The following BBS12 variants were observed in gnomAD, a reference collection of about 807,000 sequenced individuals.
BBS12 encodes the protein chaperonin-containing T-complex member BBS12.
BBS12 carries 5 observed loss-of-function variants against 5.6 expected under a neutral mutation model. That is an observed-to-expected ratio of 0.89 (90% CI 0.46 to 1.86). The LOEUF (loss-of-function observed/expected upper bound fraction) is 1.86, where lower values mean the gene tolerates loss of function less well. Among genes scored for constraint, BBS12 ranks in the 40% most tolerant of loss-of-function variants. BBS12 has a pLI of 0.01. For missense variants in BBS12, 748 were observed against 830.4 expected (o/e 0.90, Z 1.22); for synonymous variants, 308 against 306.8 (o/e 1.00, Z -0.04).
chr4:122,701,202 C>T, the BBS12 span, among the ~76,000 whole-genome samples: 1 of 152,162 alleles, frequency 6.6e-6, no homozygotes, highest in African/African-American at 2.4e-5. Context: ...TTCTTTCATC[C>T]TAGTCATTTC....
chr4:122,712,183 C>G, the BBS12 span, among the ~76,000 whole-genome samples: 1 of 152,232 alleles, frequency 6.6e-6, no homozygotes, highest in Non-Finnish European at 1.5e-5. Flanking sequence ...TGCAGATGGC[C>G]TGTTGTGGAA....
chr4:122,738,836 C>T (rs911391123), intron 1 of BBS12, among the ~76,000 whole-genome samples: 1 of 152,106 alleles, frequency 6.6e-6, no homozygotes, highest in Non-Finnish European at 1.5e-5. Context: ...TATAATATTA[C>T]AAAATATTAC....
chr4:122,729,799 T>C (rs141112316), upstream of BBS12: 2,805 of 152,056 alleles, frequency 0.018, 45 homozygotes, highest in Admixed American at 0.027. Context: ...TGCAAAAAAT[T>C]AGCTAGGCAT....
At position 122,744,253 on chromosome 4, in the gene BBS12, T is replaced by G; in HGVS notation, c.*228T>G. ...CTACAGAATGCATAAGACACCTGGG[T>G]CAGAAACAAAGGACTTATCGCTCAC... is the stretch of plus-strand genomic sequence containing the variant. On this transcript the variant is annotated 3_prime_UTR_variant, in exon 2 of 2. Transcript: ENST00000314218. 1 of 517,438 alleles carries G rather than the reference T, an allele frequency of 1.9e-6. No individual in the cohort carries two copies. Among genetic ancestry groups the G allele is most frequent in the African/African-American group, 1.9e-5 (1 of 51,374 alleles). The allele number at this position is 517,438 out of a possible 1,614,324, so 32.1% of individuals were successfully genotyped here.
In BBS12 at chr4:122,743,590, A is replaced by T. The variant is rs746904755; in HGVS notation, c.1698A>T (p.Ser566=). The part of the protein sequence containing the change: ...QSLKKENHAC[S]GWLHNTSSWL... The stretch of plus-strand genomic sequence containing the variant: ...TGAAAAAAGAAAACCATGCCTGCTC[A>T]GGGTGGCTGCATAATACTTCCTCTT... Residue 566 remains serine, a synonymous_variant, in exon 2 of 2, where the codon TCA becomes TCT. Coordinates refer to ENST00000314218, the MANE Select transcript of BBS12 (RefSeq NM_152618.3). The T allele has an allele frequency of 1.9e-6, 3 of 1,614,116 alleles. No homozygotes were observed. Among genetic ancestry groups the T allele is most frequent in the Non-Finnish European group, 2.5e-6 (3 of 1,180,040 alleles).
At chr4:122,731,244 A>G (rs1325672555), upstream of BBS12, 1 of 152,224 alleles carries the variant, frequency 6.6e-6, no homozygotes, top group Admixed American at 6.5e-5. Flanking sequence ...TGTATCTTTC[A>G]ATGCTCCTTA....
the BBS12 span, among the ~76,000 whole-genome samples, chr4:122,700,829 T>A: frequency 6.6e-6 from 1 of 152,174 alleles, no homozygotes; most frequent in Admixed American, 6.6e-5. Flanking sequence ...GTCAGAAGCT[T>A]ATAAGTTATG....
chr4:122,712,825 C>T, the BBS12 span, among the ~76,000 whole-genome samples: 3 of 152,202 alleles, frequency 2.0e-5, no homozygotes, highest in Middle Eastern at 3.4e-3. Flanking sequence ...AGTGTGTTAT[C>T]GGAACGTTGA....
At chr4:122,706,986 C>G in the BBS12 span, among the ~76,000 whole-genome samples, 1 of 147,908 alleles carries the variant, frequency 6.8e-6, no homozygotes, top group Non-Finnish European at 1.5e-5. Context: ...TCAGTAACAT[C>G]AATTTTACTA....
intron 1 of BBS12, among the ~76,000 whole-genome samples, chr4:122,733,189 G>A (rs1237542846): frequency 6.6e-6 from 1 of 152,162 alleles, no homozygotes; most frequent in African/African-American, 2.4e-5. Flanking sequence ...ATTCTGTATA[G>A]CAGTGGCATG....
chr4:122,708,595 T>A, the BBS12 span, among the ~76,000 whole-genome samples: 5 of 152,082 alleles, frequency 3.3e-5, no homozygotes, highest in Admixed American at 1.3e-4. Context: ...CATAGTAAAA[T>A]TTTTTTAAAT....
chr4:122,718,031 C>G, the BBS12 span, among the ~76,000 whole-genome samples: 1 of 152,154 alleles, frequency 6.6e-6, no homozygotes, highest in African/African-American at 2.4e-5. Context: ...CTATGCATCT[C>G]AGTTTTCTCA....
chr4:122,744,262 A>G lies in BBS12; in HGVS notation c.*237A>G. The G allele has an allele frequency of 8.0e-6, 4 of 498,436 alleles. No homozygotes were observed. The highest frequency in any genetic ancestry group is 1.5e-5 in the Non-Finnish European group (4 of 270,486). 30.9% of individuals were successfully genotyped at this position (498,436 alleles called of 1,614,324 possible). A position where few individuals can be genotyped will look rare whatever the true frequency, so the allele number is the denominator to read the frequency against. ...GCATAAGACACCTGGGTCAGAAACA[A>G]AGGACTTATCGCTCACAGCAAAAGC... On this transcript the variant is annotated 3_prime_UTR_variant, in exon 2 of 2. Coordinates refer to ENST00000314218, the MANE Select transcript of BBS12 (RefSeq NM_152618.3).
chr4:122,743,944 T>G lies in BBS12; in HGVS notation c.2052T>G (p.Leu684=), dbSNP rs1800944299. The change falls in exon 2 of 2, where the codon CTT becomes CTG. Residue 684 remains leucine (L), a synonymous_variant. Coordinates refer to ENST00000314218, the MANE Select transcript of BBS12 (RefSeq NM_152618.3). The part of the protein sequence containing the change: ...RRALDLVLLV[L]QTDSEIITGH... ...CATTGGATTTAGTATTGTTAGTACTTCAGACAGACAGTGAAATAATTACTG... is the reference window on the plus strand; with the variant it reads ...CATTGGATTTAGTATTGTTAGTACTGCAGACAGACAGTGAAATAATTACTG... 6.2e-7 allele frequency: 1 copy of G among 1,612,798 alleles called. No individual in the cohort carries two copies. The highest frequency in any genetic ancestry group is 8.5e-7 in the Non-Finnish European group (1 of 1,179,626).
chr4:122,742,564 C>T lies in BBS12; in HGVS notation c.672C>T (p.Thr224=). The change falls in exon 2 of 2, where the codon ACC becomes ACT. Residue 224 remains threonine (T), a synonymous_variant. Coordinates refer to ENST00000314218, the MANE Select transcript of BBS12 (RefSeq NM_152618.3). ...TGAAAAACAGCCTGCTTGCAGATAC[C>T]TGCTGCAGACAGTCAATACTAATCC... is the stretch of plus-strand genomic sequence containing the variant. ...RTLKNSLLAD[T]CCRQSILIHS... The T allele has an allele frequency of 6.2e-7, 1 of 1,614,230 alleles. No individual in the cohort carries two copies.
chr4:122,726,718 C>T, the BBS12 span, among the ~76,000 whole-genome samples: 1 of 152,118 alleles, frequency 6.6e-6, no homozygotes, highest in Non-Finnish European at 1.5e-5. Flanking sequence ...GCCCATCAAT[C>T]AACAAGTAGA....
chr4:122,707,190 T>G, the BBS12 span, among the ~76,000 whole-genome samples: 1 of 151,320 alleles, frequency 6.6e-6, no homozygotes, highest in East Asian at 2.0e-4. Flanking sequence ...GTATTCAATA[T>G]AGACATGTAG....
the BBS12 span, among the ~76,000 whole-genome samples, chr4:122,727,472 C>G: frequency 1.3e-5 from 2 of 149,538 alleles, no homozygotes; most frequent in African/African-American, 2.5e-5. Flanking sequence ...TCTTGATCTC[C>G]TGACCTCGTA....
chr4:122,743,004 G>T lies in BBS12; in HGVS notation c.1112G>T (p.Gly371Val). 1 of 1,614,200 alleles carries T rather than the reference G, an allele frequency of 6.2e-7. No individual in the cohort carries two copies. The highest frequency in any genetic ancestry group is 8.5e-7 in the Non-Finnish European group (1 of 1,180,034). The change falls in exon 2 of 2, where the codon GGA becomes GTA. Residue 371 changes from glycine to valine, a missense_variant. By Grantham distance (109) the Gly-to-Val change is moderately radical. Transcript: ENST00000314218. ...GDLTENYRHL[G>V]FNKSANIKTV... ...CTCACAGAGAATTACCGCCACCTGGGATTTAATAAGTCTGCAAATATTAAA... is the reference window on the plus strand; with the variant it reads ...CTCACAGAGAATTACCGCCACCTGGTATTTAATAAGTCTGCAAATATTAAA...
Sources: gnomAD v4.1 joint callset for allele counts (sites outside exome capture counted in the v4.1 genomes callset) on GRCh38, gnomAD v4.1.1 for gene constraint, MANE v1.5 for transcripts, NCBI Gene and HGNC (gene_info 2026-07-23, HGNC 2026-07-21) for gene names.